CHST11: variants seen among roughly 807,000 people sequenced by gnomAD.
The protein encoded by CHST11 is carbohydrate sulfotransferase 11, also known as C4S-1.
A neutral mutation model predicts 30.4 loss-of-function variants in CHST11; 9 were observed. The ratio of observed to expected loss-of-function variants is 0.30; its 90% confidence interval spans 0.18 to 0.52. The LOEUF is 0.52. Among genes scored for constraint, CHST11 ranks in the 20% least tolerant of loss-of-function variants. The pLI is 0.97. For missense variants in CHST11, 348 were observed against 460.6 expected, an observed-to-expected ratio of 0.76 and a Z score of 2.24; for synonymous variants, 152 against 187.8, an observed-to-expected ratio of 0.81 and a Z score of 1.56.
At chr12:104,608,750 A>G in intron 2 of CHST11, among the ~76,000 whole-genome samples, 1 of 152,166 alleles carries the variant, frequency 6.6e-6, no homozygotes, top group East Asian at 1.9e-4. Context: ...CTGTCTTTCT[A>G]TATGAAGGCT....
chr12:104,543,185 C>T (rs969638502), intron 1 of CHST11, among the ~76,000 whole-genome samples: 2 of 152,032 alleles, frequency 1.3e-5, no homozygotes, highest in African/African-American at 4.8e-5. Flanking sequence ...GGAGGAGGTG[C>T]CAGGGTCTTT....
chr12:104,579,623 G>A (rs746032653), intron 1 of CHST11, among the ~76,000 whole-genome samples: 13 of 152,130 alleles, frequency 8.5e-5, no homozygotes, highest in Admixed American at 1.3e-4. Context: ...ACATGGTAAC[G>A]TGGGTAACTT....
intron 1 of CHST11, among the ~76,000 whole-genome samples, chr12:104,546,695 G>A (rs934069891): frequency 3.3e-5 from 5 of 152,148 alleles, no homozygotes; most frequent in Non-Finnish European, 7.4e-5. Context: ...TTCTTGTCAG[G>A]CTACTTCCTG....
At chr12:104,628,285 C>T (rs974479345) in intron 2 of CHST11, among the ~76,000 whole-genome samples, 2 of 152,196 alleles carry the variant, frequency 1.3e-5, no homozygotes, top group Non-Finnish European at 2.9e-5. Flanking sequence ...TCTCCAGCCT[C>T]ACAAATGCTG....
intron 2 of CHST11, among the ~76,000 whole-genome samples, chr12:104,719,612 A>G (rs1566052550): frequency 6.6e-6 from 1 of 152,208 alleles, no homozygotes; most frequent in Non-Finnish European, 1.5e-5. Flanking sequence ...TCTAGCTATT[A>G]CCTACTTCAG....
chr12:104,504,242 C>T (rs1240865308), intron 1 of CHST11, among the ~76,000 whole-genome samples: 2 of 152,182 alleles, frequency 1.3e-5, no homozygotes, highest in Non-Finnish European at 2.9e-5. Context: ...GCAGAAAAGT[C>T]CCATTTCTCC....
At chr12:104,541,735 C>T (rs2038288975) in intron 1 of CHST11, among the ~76,000 whole-genome samples, 1 of 152,194 alleles carries the variant, frequency 6.6e-6, no homozygotes, top group Admixed American at 6.5e-5. Flanking sequence ...TTCAGGTCAG[C>T]TAATCTGGAG....
rs1173458124 is a variant in CHST11 at position 104,521,468 on chromosome 12, G to A, written c.118+63939G>A. On this transcript the variant is annotated intron_variant, in intron 1 of 2. Coordinates refer to ENST00000303694, the MANE Select transcript of CHST11 (RefSeq NM_018413.6). ...TGGCAAGGAATTCAAAGATGATGTC[G>A]TTTTACGTCTTTATTTTATAAACTC... is the stretch of plus-strand genomic sequence containing the variant. 3.3e-5 allele frequency among the ~76,000 whole-genome samples: 5 copies of A among 152,128 alleles called. No individual in the cohort carries two copies. The East Asian group carries it at 5.8e-4, about 18-fold the overall frequency.
chr12:104,643,806 C>T (rs1437780787), intron 2 of CHST11, among the ~76,000 whole-genome samples: 1 of 152,084 alleles, frequency 6.6e-6, no homozygotes, highest in Non-Finnish European at 1.5e-5. Context: ...GCGTGTTTTC[C>T]AGCTCCTGGA....
chr12:104,759,672 A>G lies in CHST11; in HGVS notation c.*1869A>G, dbSNP rs930410950. The G allele has an allele frequency of 6.6e-6, 1 of 152,236 alleles. No individual in the cohort carries two copies. Among genetic ancestry groups the G allele is most frequent in the Non-Finnish European group, 1.5e-5 (1 of 68,044 alleles). The allele number at this position is 152,236 out of a possible 1,614,324, so 9.4% of individuals were successfully genotyped here. A position where few individuals can be genotyped will look rare whatever the true frequency, so the allele number is the denominator to read the frequency against. ...CGGGGAAATTATTTTATTTAACGTG[A>G]GTGAGATGTGGGCCGGAGAAGGTAG... On this transcript the variant is annotated 3_prime_UTR_variant, in exon 3 of 3. Transcript: ENST00000303694.
At chr12:104,468,750 T>G (rs2037482095) in intron 1 of CHST11, among the ~76,000 whole-genome samples, 1 of 152,140 alleles carries the variant, frequency 6.6e-6, no homozygotes, top group Non-Finnish European at 1.5e-5. Flanking sequence ...GTGTAGGGGC[T>G]TAATAATTGA....
At position 104,486,305 on chromosome 12, in the gene CHST11, T is replaced by G. The variant is rs1164972863; in HGVS notation, c.118+28776T>G. On this transcript the variant is annotated intron_variant, in intron 1 of 2. Coordinates refer to ENST00000303694, the MANE Select transcript of CHST11 (RefSeq NM_018413.6). Reference sequence around the variant, plus strand: ...AAAAAGTGTTTTAAAGTCAGTGTGATTTTTTTTTTTTTTTAATGACACAGA... The same window carrying G: ...AAAAAGTGTTTTAAAGTCAGTGTGAGTTTTTTTTTTTTTTAATGACACAGA... Among the ~76,000 whole-genome samples the G allele has an allele frequency of 4.1e-4, 8 of 19,624 alleles. No individual in the cohort carries two copies. In the African/African-American group the frequency reaches 4.5e-3, roughly 11 times the overall value. 12.9% of individuals were successfully genotyped at this position (19,624 alleles called of 152,430 possible).
chr12:104,567,246 C>T lies in CHST11; in HGVS notation c.119-34660C>T, dbSNP rs2038576878. On this transcript the variant is annotated intron_variant, in intron 1 of 2. Coordinates refer to ENST00000303694, the MANE Select transcript of CHST11 (RefSeq NM_018413.6). The stretch of plus-strand genomic sequence containing the variant: ...CACATCACCTGGAGCAGGCAGAATG[C>T]ACCTGAGATGGAGGATGACTGACAA... Among the ~76,000 whole-genome samples, 3 of 152,282 alleles carry T rather than the reference C, an allele frequency of 2.0e-5. No individual in the cohort carries two copies. In the South Asian group the frequency reaches 6.2e-4, roughly 32 times the overall value.
chr12:104,539,080 A>G (rs1340187758), intron 1 of CHST11, among the ~76,000 whole-genome samples: 1 of 152,236 alleles, frequency 6.6e-6, no homozygotes, highest in African/African-American at 2.4e-5. Flanking sequence ...AGAGCTGGGC[A>G]ATAGGATTTT....
intron 1 of CHST11, among the ~76,000 whole-genome samples, chr12:104,475,630 CCCTATGATG>C (rs1299428485): frequency 1.7e-5 from 2 of 119,896 alleles, no homozygotes; most frequent in Non-Finnish European, 3.4e-5. Flanking sequence ...CCCTCCCCTG[CCCTATGATG>C]CCTCAGAGTA....
chr12:104,737,367 C>G (rs2040309878), intron 2 of CHST11, among the ~76,000 whole-genome samples: 1 of 152,220 alleles, frequency 6.6e-6, no homozygotes, highest in South Asian at 2.1e-4. Context: ...AAGGCCTGAG[C>G]CTTGGGACAT....
intron 1 of CHST11, among the ~76,000 whole-genome samples, chr12:104,465,131 T>C (rs2037445602): frequency 6.6e-6 from 1 of 152,220 alleles, no homozygotes; most frequent in African/African-American, 2.4e-5. Flanking sequence ...TTATGTAAAC[T>C]GTGGCACACT....
intron 2 of CHST11, among the ~76,000 whole-genome samples, chr12:104,604,926 C>T (rs1029371880): frequency 2.0e-5 from 3 of 152,056 alleles, no homozygotes; most frequent in Non-Finnish European, 4.4e-5. Context: ...CTTATCTAAT[C>T]CTTGTAATAA....
chr12:104,539,841 G>GT (rs2038270601), intron 1 of CHST11, among the ~76,000 whole-genome samples: 1 of 152,094 alleles, frequency 6.6e-6, no homozygotes, highest in Non-Finnish European at 1.5e-5. Context: ...AGTAGTATTT[G>GT]TTTTTTCTTT....
Sources: gnomAD v4.1 joint callset for allele counts (sites outside exome capture counted in the v4.1 genomes callset) on GRCh38, gnomAD v4.1.1 for gene constraint, MANE v1.5 for transcripts, NCBI Gene and HGNC (gene_info 2026-07-23, HGNC 2026-07-21) for gene names.